The following CPVL variants were observed in gnomAD, a reference collection of about 807,000 sequenced individuals.
CPVL encodes the protein probable serine carboxypeptidase CPVL.
CPVL carries 51 observed loss-of-function variants against 63.7 expected under a neutral mutation model. The ratio of observed to expected loss-of-function variants is 0.80; its 90% CI spans 0.64 to 1.01. The LOEUF (loss-of-function observed/expected upper bound fraction) is 1.01. Among genes scored for constraint, CPVL ranks in the 50% least tolerant of loss-of-function variants. The pLI is 0.00. For synonymous variants in CPVL, 195 were observed against 206.0 expected (o/e 0.95, Z 0.46); for missense variants, 530 against 573.1 (o/e 0.92, Z 0.77).
chr7:29,052,020 T>C (rs897160598), intron 11 of CPVL, among the ~76,000 whole-genome samples: 19 of 151,586 alleles, frequency 1.3e-4, no homozygotes, highest in East Asian at 3.9e-4. Context: ...CTGGATGAGA[T>C]TGGAGACTAT....
At chr7:29,029,929 A>G (rs910181157) in intron 12 of CPVL, among the ~76,000 whole-genome samples, 1 of 152,242 alleles carries the variant, frequency 6.6e-6, no homozygotes, top group African/African-American at 2.4e-5. Context: ...GTACACTTAC[A>G]TATCGACAAC....
intron 3 of CPVL, among the ~76,000 whole-genome samples, chr7:29,103,208 T>G (rs2128620471): frequency 8.0e-6 from 1 of 124,592 alleles, no homozygotes; most frequent in Non-Finnish European, 1.7e-5. Flanking sequence ...GCTAAAAACT[T>G]GCCAATTTCA....
At chr7:29,111,841 T>C (rs1224415046) in intron 3 of CPVL, among the ~76,000 whole-genome samples, 1 of 152,212 alleles carries the variant, frequency 6.6e-6, no homozygotes, top group African/African-American at 2.4e-5. Flanking sequence ...CATGAAAATA[T>C]AAATAACACC....
intron 7 of CPVL, among the ~76,000 whole-genome samples, chr7:29,078,655 C>T (rs1784433289): frequency 1.3e-5 from 2 of 149,536 alleles, no homozygotes; most frequent in African/African-American, 4.8e-5. Context: ...TGTCTCTATG[C>T]TGCCTGCTCC....
At chr7:29,123,950 A>T (rs1382672391) in intron 1 of CPVL, among the ~76,000 whole-genome samples, 1 of 152,072 alleles carries the variant, frequency 6.6e-6, no homozygotes, top group Admixed American at 6.6e-5. Context: ...GAATTGGGTC[A>T]ATTTAGTAGA....
At chr7:29,157,814 A>G (rs1442792473) in intron 5 of CPVL, among the ~76,000 whole-genome samples, 1 of 150,470 alleles carries the variant, frequency 6.6e-6, no homozygotes, top group African/African-American at 2.4e-5. Flanking sequence ...CAGAGGTTTC[A>G]AAGAGGCACT....
intron 12 of CPVL, chr7:29,001,203 A>C (rs573884405): frequency 3.3e-4 from 51 of 152,304 alleles, no homozygotes; most frequent in African/African-American, 1.2e-3. Context: ...TCCCCATTTC[A>C]GGCTTCTGAC....
chr7:29,046,373 C>T (rs893846623), intron 11 of CPVL, among the ~76,000 whole-genome samples: 13 of 152,120 alleles, frequency 8.5e-5, no homozygotes. Flanking sequence ...CGTCAGCCAC[C>T]GCGCCCGACC....
Position 29,088,773 on chromosome 7 carries a change from G to C in CPVL, c.543-2223C>G, listed in dbSNP as rs139041949. 2.6e-3 allele frequency among the ~76,000 whole-genome samples: 402 copies of C among 152,226 alleles called. 1 individual carries two copies. Among genetic ancestry groups the C allele is most frequent in the African/African-American group, 9.3e-3 (385 of 41,538 alleles). On this transcript the variant is annotated intron_variant, in intron 6 of 12. Transcript: ENST00000265394. ...GGGCAGATCACGAGGTCAAGAGATT[G>C]AGACCATTCTGGCCAACGTGGTGAA...
intron 1 of CPVL, among the ~76,000 whole-genome samples, chr7:29,135,704 A>G (rs1791143358): frequency 6.6e-6 from 1 of 151,706 alleles, no homozygotes; most frequent in Non-Finnish European, 1.5e-5. Context: ...TTTATTTATT[A>G]TTTTTACAGA....
At chr7:29,103,248 G>GTTTTT (rs71555783) in intron 3 of CPVL, among the ~76,000 whole-genome samples, 1 of 96,156 alleles carries the variant, frequency 1.0e-5, no homozygotes. Context: ...TTGTTGTTTT[G>GTTTTT]TTTTTTTTTT....
At chr7:29,040,702 A>C (rs970221245) in intron 11 of CPVL, among the ~76,000 whole-genome samples, 29 of 152,170 alleles carry the variant, frequency 1.9e-4, no homozygotes, top group Admixed American at 1.2e-3. Flanking sequence ...TCCCCCTACC[A>C]GCTGGTTTTG....
chr7:29,135,450 G>C (rs1366148101), intron 1 of CPVL, among the ~76,000 whole-genome samples: 1 of 151,648 alleles, frequency 6.6e-6, no homozygotes, highest in East Asian at 2.0e-4. Context: ...TCCTGCCTCA[G>C]CCTCCTGAGT....
At chr7:29,034,903 T>A (rs756012684) in intron 11 of CPVL, among the ~76,000 whole-genome samples, 9 of 151,452 alleles carry the variant, frequency 5.9e-5, no homozygotes, top group Non-Finnish European at 7.4e-5. Context: ...ATACCTCAGT[T>A]TGGCAAAAGA....
intron 1 of CPVL, among the ~76,000 whole-genome samples, chr7:29,123,613 AAAAAAAAAAAAAAAAATATATAT>A (rs1310778085): frequency 4.6e-4 from 44 of 95,412 alleles, no homozygotes; most frequent in African/African-American, 1.8e-3. Flanking sequence ...AAAAAAAAAA[AAAAAAAAAAAAAAAAATATATAT>A]ATATATATAT....
chr7:29,064,526 C>T (rs1782955952), intron 10 of CPVL, among the ~76,000 whole-genome samples: 2 of 152,152 alleles, frequency 1.3e-5, no homozygotes, highest in Non-Finnish European at 2.9e-5. Context: ...CTCCCATTAG[C>T]AACCCCACTA....
upstream of CPVL, chr7:29,147,177 G>T: frequency 1.6e-6 from 1 of 628,528 alleles, no homozygotes; most frequent in East Asian, 2.9e-5. Context: ...CATCGAGCCA[G>T]ACAGTACGGG....
chr7:29,164,943 A>C (rs2128716616), intron 5 of CPVL, among the ~76,000 whole-genome samples: 1 of 152,268 alleles, frequency 6.6e-6, no homozygotes, highest in South Asian at 2.1e-4. Flanking sequence ...TGTCTTGATT[A>C]CCATAGCTCC....
chr7:29,039,036 T>A (rs976863004), intron 11 of CPVL, among the ~76,000 whole-genome samples: 3 of 152,012 alleles, frequency 2.0e-5, no homozygotes, highest in African/African-American at 7.2e-5. Context: ...TGCTTCAGAT[T>A]TTTTTTTAAC....
Sources: gnomAD v4.1 joint callset for allele counts (sites outside exome capture counted in the v4.1 genomes callset) on GRCh38, gnomAD v4.1.1 for gene constraint, MANE v1.5 for transcripts, NCBI Gene and HGNC (gene_info 2026-07-23, HGNC 2026-07-21) for gene names.